Variants in RALYL observed in about 807,000 individuals in gnomAD.
RALYL encodes the protein RNA-binding Raly-like protein.
RALYL carries 29 observed loss-of-function variants against 35.1 expected under a neutral mutation model. The observed-to-expected ratio is 0.83, with a 90% CI of 0.61 to 1.13. The LOEUF is 1.13. RALYL is among the 50% of genes most tolerant of loss of function. The pLI is 0.00. For missense variants in RALYL, 359 were observed against 360.4 expected (o/e 1.00, Z 0.03); for synonymous variants, 120 against 127.6 (o/e 0.94, Z 0.40).
chr8:84,756,057 T>C (rs1289445413), intron 2 of RALYL, among the ~76,000 whole-genome samples: 2 of 152,118 alleles, frequency 1.3e-5, no homozygotes, highest in South Asian at 2.1e-4. Context: ...CTACATTTTT[T>C]TGAATTTTTG....
intron 1 of RALYL, among the ~76,000 whole-genome samples, chr8:84,457,909 T>C (rs572592222): frequency 1.1e-4 from 17 of 151,968 alleles, no homozygotes; most frequent in African/African-American, 3.9e-4. Context: ...TTCTAAATTA[T>C]GCTGTGTCAT....
intron 1 of RALYL, among the ~76,000 whole-genome samples, chr8:84,457,377 T>A (rs2050253211): frequency 6.6e-6 from 1 of 151,960 alleles, no homozygotes; most frequent in Non-Finnish European, 1.5e-5. Flanking sequence ...TGTCTTTCAT[T>A]TTTGTTTTCA....
chr8:84,473,238 A>G (rs13250185), intron 1 of RALYL, among the ~76,000 whole-genome samples: 53,205 of 151,756 alleles, frequency 0.35, 9,642 homozygotes, highest in South Asian at 0.52. Context: ...TTACATATGT[A>G]AAAGTAGAAG....
intron 2 of RALYL, among the ~76,000 whole-genome samples, chr8:84,637,956 T>C (rs1167249488): frequency 6.6e-6 from 1 of 151,854 alleles, no homozygotes; most frequent in Non-Finnish European, 1.5e-5. Context: ...CTAGAACAAA[T>C]AGACTTAACA....
At chr8:84,424,727 T>C (rs2046135373) in intron 1 of RALYL, among the ~76,000 whole-genome samples, 1 of 152,152 alleles carries the variant, frequency 6.6e-6, no homozygotes, top group Admixed American at 6.5e-5. Context: ...GGTGGGTTTT[T>C]GGTGTGGATG....
chr8:84,752,768 C>A (rs941052711), intron 2 of RALYL, among the ~76,000 whole-genome samples: 2 of 152,174 alleles, frequency 1.3e-5, no homozygotes, highest in African/African-American at 2.4e-5. Flanking sequence ...TGATAATAAG[C>A]CTGCAGGTAC....
chr8:84,652,958 T>G (rs565126073), intron 2 of RALYL, among the ~76,000 whole-genome samples: 13 of 152,222 alleles, frequency 8.5e-5, no homozygotes, highest in Admixed American at 8.5e-4. Flanking sequence ...GGTTTCTACT[T>G]TAAATGCTTA....
intron 2 of RALYL, among the ~76,000 whole-genome samples, chr8:84,616,413 C>T (rs771562471): frequency 0.016 from 2,385 of 145,738 alleles, 14 homozygotes; most frequent in Middle Eastern, 0.053. Flanking sequence ...AGTGTCTGTT[C>T]ATGTCCTTTG....
chr8:84,511,906 C>A (rs958956889), intron 1 of RALYL, among the ~76,000 whole-genome samples: 2 of 152,108 alleles, frequency 1.3e-5, no homozygotes, highest in African/African-American at 4.8e-5. Flanking sequence ...TATTCCATTG[C>A]GTATGTACAC....
chr8:84,753,965 C>T (rs548761378), intron 2 of RALYL, among the ~76,000 whole-genome samples: 23 of 151,902 alleles, frequency 1.5e-4, no homozygotes, highest in African/African-American at 3.9e-4. Context: ...TCATGTCCTT[C>T]GCCCACTTTT....
At chr8:84,280,249 A>T (rs1375809767) in intron 1 of RALYL, among the ~76,000 whole-genome samples, 2 of 152,182 alleles carry the variant, frequency 1.3e-5, no homozygotes, top group African/African-American at 4.8e-5. Flanking sequence ...TGACAGCAAA[A>T]TACTTACATT....
intron 1 of RALYL, among the ~76,000 whole-genome samples, chr8:84,486,168 C>T (rs1263873096): frequency 6.6e-6 from 1 of 151,100 alleles, no homozygotes; most frequent in Non-Finnish European, 1.5e-5. Context: ...TAGAACTTCT[C>T]TCACCTATAC....
At chr8:84,526,047 C>A (rs2134838504) in intron 1 of RALYL, among the ~76,000 whole-genome samples, 1 of 144,962 alleles carries the variant, frequency 6.9e-6, no homozygotes, top group Non-Finnish European at 1.5e-5. Context: ...TGACTCCCAA[C>A]TTCAAGCAAT....
At chr8:84,513,650 C>T (rs772911063) in intron 1 of RALYL, among the ~76,000 whole-genome samples, 8 of 151,882 alleles carry the variant, frequency 5.3e-5, no homozygotes, top group Non-Finnish European at 8.8e-5. Context: ...TTTAAATAAA[C>T]GTTTAGTTTT....
chr8:84,658,991 G>T (rs750943307), intron 2 of RALYL, among the ~76,000 whole-genome samples: 1 of 152,128 alleles, frequency 6.6e-6, no homozygotes, highest in Non-Finnish European at 1.5e-5. Flanking sequence ...AGTTGACTCT[G>T]ACTTGTTTCC....
intron 7 of RALYL, among the ~76,000 whole-genome samples, chr8:84,887,389 G>C (rs1843069515): frequency 6.6e-6 from 1 of 152,070 alleles, no homozygotes; most frequent in South Asian, 2.1e-4. Context: ...TGCTAATTCT[G>C]TTAAATAAAT....
intron 2 of RALYL, among the ~76,000 whole-genome samples, chr8:84,722,169 G>T (rs1844043760): frequency 6.6e-6 from 1 of 151,962 alleles, no homozygotes; most frequent in South Asian, 2.1e-4. Flanking sequence ...GAATAATACA[G>T]ATACTCTGAA....
At chr8:84,863,791 C>G (rs188470208) in intron 6 of RALYL, among the ~76,000 whole-genome samples, 21 of 152,254 alleles carry the variant, frequency 1.4e-4, no homozygotes, top group Admixed American at 1.4e-3. Flanking sequence ...AAGATAACTT[C>G]AATAGCACAC....
chr8:84,538,973 G>A (rs1421234589), intron 2 of RALYL, among the ~76,000 whole-genome samples: 1 of 152,194 alleles, frequency 6.6e-6, no homozygotes, highest in African/African-American at 2.4e-5. Flanking sequence ...TCTAAAATAT[G>A]TGGCAAACAA....
Sources: gnomAD v4.1 joint callset for allele counts (sites outside exome capture counted in the v4.1 genomes callset) on GRCh38, gnomAD v4.1.1 for gene constraint, MANE v1.5 for transcripts, NCBI Gene and HGNC (gene_info 2026-07-23, HGNC 2026-07-21) for gene names.